Variants in SREBF2 observed in about 807,000 individuals in gnomAD.
SREBF2 encodes the protein sterol regulatory element-binding protein 2.
Under a neutral mutation model 113.1 loss-of-function variants are expected in SREBF2, and 55 were observed. The observed-to-expected ratio is 0.49, with a 90% CI of 0.39 to 0.61. The LOEUF (loss-of-function observed/expected upper bound fraction) is 0.61, where lower values mean the gene tolerates loss of function less well. Among genes scored for constraint, SREBF2 ranks in the 20% least tolerant of loss-of-function variants. The probability of loss-of-function intolerance (pLI) is 0.00; values close to 1 mark genes in which losing one functional copy is unlikely to be tolerated. For synonymous variants in SREBF2, 593 were observed against 605.7 expected (o/e 0.98, Z 0.31); for missense variants, 1,349 against 1,487.4 (o/e 0.91, Z 1.53).
At chr22:41,840,304 T>C (rs2148339703) in intron 1 of SREBF2, among the ~76,000 whole-genome samples, 1 of 152,288 alleles carries the variant, frequency 6.6e-6, no homozygotes, top group South Asian at 2.1e-4. Context: ...CCCTAAATCT[T>C]GTGACAGAAA....
intron 14 of SREBF2, 105 bp downstream of exon 14, chr22:41,897,266 T>C: frequency 1.5e-6 from 1 of 669,878 alleles, no homozygotes; most frequent in Non-Finnish European, 2.5e-6. Context: ...TGCCAGCATC[T>C]TCTCTGGATC....
intron 1 of SREBF2, among the ~76,000 whole-genome samples, chr22:41,855,338 C>T (rs2076968018): frequency 6.6e-6 from 1 of 152,098 alleles, no homozygotes; most frequent in African/African-American, 2.4e-5. Context: ...GCCTAGCCAA[C>T]ATGGTTAAAT....
chr22:41,890,995 G>A (rs556493940), intron 11 of SREBF2, among the ~76,000 whole-genome samples: 3 of 152,044 alleles, frequency 2.0e-5, no homozygotes, highest in East Asian at 1.9e-4. Context: ...TCCTCTTGCC[G>A]TATGACCTGG....
intron 1 of SREBF2, among the ~76,000 whole-genome samples, chr22:41,851,644 C>T (rs2076931777): frequency 1.3e-5 from 2 of 152,194 alleles, no homozygotes; most frequent in Admixed American, 1.3e-4. Flanking sequence ...CAGGTGCGTA[C>T]CACCACGCCC....
In SREBF2 at chr22:41,873,784, T is replaced by G; in HGVS notation, c.868-14T>G. The G allele has an allele frequency of 6.3e-7, 1 of 1,590,596 alleles. No homozygotes were observed. The highest frequency in any genetic ancestry group is 8.6e-7 in the Non-Finnish European group (1 of 1,167,422). On this transcript the variant is annotated splice_polypyrimidine_tract_variant and intron_variant, in intron 4 of 18. Coordinates refer to ENST00000361204, the MANE Select transcript of SREBF2 (RefSeq NM_004599.4). ...CAAAGGGATCATTCTGCTGTGTACC[T>G]GTCCCTATTCTAGACCCTGGTGGGC...
chr22:41,890,072 TTTTA>T (rs1202943123), intron 11 of SREBF2, among the ~76,000 whole-genome samples: 5 of 152,116 alleles, frequency 3.3e-5, no homozygotes, highest in Non-Finnish European at 7.4e-5. Flanking sequence ...CAAAATATTC[TTTTA>T]TTTATTTATT....
chr22:41,905,003 C>G, intron 18 of SREBF2, 29 bp downstream of exon 18: 3 of 1,552,524 alleles, frequency 1.9e-6, no homozygotes, highest in South Asian at 1.2e-5. Flanking sequence ...AGCTCACAGG[C>G]TGGGCCAGGC....
chr22:41,873,032 T>TAC (rs1346169019), intron 4 of SREBF2, among the ~76,000 whole-genome samples: 3 of 151,958 alleles, frequency 2.0e-5, no homozygotes, highest in Admixed American at 2.0e-4. Context: ...ACCCCGTCTC[T>TAC]ACTAAAAATA....
Position 41,905,768 on chromosome 22 carries a change from C to T in SREBF2, c.*108C>T, listed in dbSNP as rs768600501. On this transcript the variant is annotated 3_prime_UTR_variant, in exon 19 of 19. Transcript: ENST00000361204. Reference sequence around the variant, plus strand: ...AAGAGCCTTGTCTTCTTAGCTGTCACCTGCCGAGGCTTCTGGGCCACTCAG... The same window carrying T: ...AAGAGCCTTGTCTTCTTAGCTGTCATCTGCCGAGGCTTCTGGGCCACTCAG... 2.1e-4 allele frequency: 270 copies of T among 1,290,664 alleles called. No homozygotes were observed. Among genetic ancestry groups the T allele is most frequent in the South Asian group, 5.1e-4 (40 of 78,104 alleles). 80.0% of individuals were successfully genotyped at this position (1,290,664 alleles called of 1,614,324 possible).
intron 1 of SREBF2, among the ~76,000 whole-genome samples, chr22:41,843,928 A>G (rs887068887): frequency 2.6e-5 from 4 of 151,266 alleles, no homozygotes; most frequent in Non-Finnish European, 5.9e-5. Context: ...AGGTGGGAGG[A>G]TCACTTGAGC....
At position 41,866,925 on chromosome 22, in the gene SREBF2, TAGCAGCAGCGGCAGCAGTGGCAGCAGC is replaced by T. The variant is rs1569388137; in HGVS notation, c.193_219del (p.Gly65_Ser73del). Reference sequence around the variant, plus strand: ...CCTTTCCTGGCAGTGGTGGTAGTGGTAGCAGCAGCGGCAGCAGTGGCAGCAGCAGCAGCAGCAGCAATGGCAGGGGCA... The same window carrying T: ...CCTTTCCTGGCAGTGGTGGTAGTGGTAGCAGCAGCAGCAATGGCAGGGGCA... On this transcript the variant is annotated inframe_deletion, in exon 2 of 19. Coordinates refer to ENST00000361204, the MANE Select transcript of SREBF2 (RefSeq NM_004599.4). 5 of 1,613,824 alleles carry T rather than the reference TAGCAGCAGCGGCAGCAGTGGCAGCAGC, an allele frequency of 3.1e-6. No individual in the cohort carries two copies. The highest frequency in any genetic ancestry group is 4.2e-6 in the Non-Finnish European group (5 of 1,179,832).
chr22:41,846,946 A>C (rs548324210), intron 1 of SREBF2, among the ~76,000 whole-genome samples: 1 of 152,178 alleles, frequency 6.6e-6, no homozygotes, highest in Non-Finnish European at 1.5e-5. Context: ...AATACTTTTC[A>C]GTCTTTGCCC....
rs761485912 is a variant in SREBF2, at chr22:41,905,490, C to T, written c.3256C>T (p.Leu1086=). The T allele has an allele frequency of 1.3e-6, 2 of 1,579,912 alleles. No homozygotes were observed. The highest frequency in any genetic ancestry group is 1.2e-5 in the South Asian group (1 of 86,350). The change falls in exon 19 of 19, where the codon CTG becomes TTG. Residue 1086 remains leucine (L), a synonymous_variant. Transcript: ENST00000361204. ...GCGAGAGCGGGCCACCGCCATCCTG[C>T]TGGCCTGCCGCCACCTGCCCCTCTC... ...GQRERATAIL[L]ACRHLPLSFL...
intron 4 of SREBF2, among the ~76,000 whole-genome samples, chr22:41,871,986 C>A (rs573896587): frequency 2.5e-4 from 38 of 151,298 alleles, no homozygotes; most frequent in South Asian, 4.2e-4. Flanking sequence ...CGCAGTGGCT[C>A]ACACCTGTAA....
intron 16 of SREBF2, 95 bp from the exon 17 acceptor site, chr22:41,902,875 G>T (rs1296665675): frequency 1.5e-6 from 2 of 1,324,874 alleles, no homozygotes; most frequent in East Asian, 5.0e-5. Context: ...GAGCTGCTGA[G>T]TGTTGGTCTG....
In SREBF2 at chr22:41,866,249, ACAAT is replaced by A. The variant is rs1237953047; in HGVS notation, c.89-579_89-576del. Among the ~76,000 whole-genome samples, 15 of 152,258 alleles carry A rather than the reference ACAAT, an allele frequency of 9.9e-5. 3 individuals are homozygous for A. In the South Asian group the frequency reaches 2.7e-3, roughly 27 times the overall value. Reference sequence around the variant, plus strand: ...AAAGGTAGTTCCTTTTATGATCAAAACAATCAGGAAAAAGAGAGAGGCTGGGTGC... The same window carrying A: ...AAAGGTAGTTCCTTTTATGATCAAAACAGGAAAAAGAGAGAGGCTGGGTGC... On this transcript the variant is annotated intron_variant, in intron 1 of 18. Coordinates refer to ENST00000361204, the MANE Select transcript of SREBF2 (RefSeq NM_004599.4).
chr22:41,849,254 G>A (rs966457969), intron 1 of SREBF2, among the ~76,000 whole-genome samples: 8 of 152,040 alleles, frequency 5.3e-5, no homozygotes, highest in East Asian at 1.9e-4. Context: ...GTGCAATGGC[G>A]CGATCTCAGC....
chr22:41,865,956 A>T (rs1784957709), intron 1 of SREBF2, among the ~76,000 whole-genome samples: 1 of 152,198 alleles, frequency 6.6e-6, no homozygotes. Context: ...GGGGCCATCA[A>T]CTTGGTTGTC....
At chr22:41,877,727 G>A (rs1288469154) in intron 8 of SREBF2, among the ~76,000 whole-genome samples, 3 of 152,166 alleles carry the variant, frequency 2.0e-5, no homozygotes, top group Non-Finnish European at 4.4e-5. Context: ...CAAAACCAAT[G>A]CCTCAACCCT....
Sources: gnomAD v4.1 joint callset for allele counts (sites outside exome capture counted in the v4.1 genomes callset) on GRCh38, gnomAD v4.1.1 for gene constraint, MANE v1.5 for transcripts, NCBI Gene and HGNC (gene_info 2026-07-23, HGNC 2026-07-21) for gene names.